TSHZ2: variants seen among roughly 807,000 people sequenced by gnomAD.
The protein encoded by TSHZ2 is teashirt zinc finger homeobox 2.
In TSHZ2, 21 loss-of-function variants were observed where a neutral mutation model predicts 74.4. That is an observed-to-expected ratio of 0.28 (90% CI 0.20 to 0.41). TSHZ2 has a LOEUF of 0.41. Among genes scored for constraint, TSHZ2 ranks in the 10% least tolerant of loss-of-function variants. The probability of loss-of-function intolerance (pLI) is 1.00; values close to 1 mark genes in which losing one functional copy is unlikely to be tolerated. For synonymous variants in TSHZ2, 540 were observed against 515.3 expected, an observed-to-expected ratio of 1.05 and a Z score of -0.65; for missense variants, 1,244 against 1,293.5, an observed-to-expected ratio of 0.96 and a Z score of 0.59.
Position 53,260,805 on chromosome 20 carries a change from G to A in TSHZ2, c.*8+4234G>A, listed in dbSNP as rs910979191. The stretch of plus-strand genomic sequence containing the variant: ...ATAAGAAAAGCAAGTTCTAGGTAGA[G>A]CCACTACATGCTCTTACCATGCTCT... On this transcript the variant is annotated intron_variant, in intron 2 of 2. Transcript: ENST00000371497. Among the ~76,000 whole-genome samples the A allele has an allele frequency of 2.0e-5, 3 of 152,186 alleles. No homozygotes were observed. The East Asian group carries it at 5.8e-4, about 29-fold the overall frequency.
At chr20:53,432,682 G>A (rs1983889315) in intron 2 of TSHZ2, among the ~76,000 whole-genome samples, 1 of 152,154 alleles carries the variant, frequency 6.6e-6, no homozygotes, top group African/African-American at 2.4e-5. Context: ...GGGGTAAGGT[G>A]ACAAAATGCT....
chr20:53,431,456 C>CA (rs58938803), intron 2 of TSHZ2, among the ~76,000 whole-genome samples: 102 of 134,560 alleles, frequency 7.6e-4, no homozygotes, highest in Middle Eastern at 3.8e-3. Flanking sequence ...AACTCTGTCT[C>CA]AAAAAAAAAA....
chr20:53,275,863 G>T (rs1459013405), intron 2 of TSHZ2, among the ~76,000 whole-genome samples: 1 of 152,172 alleles, frequency 6.6e-6, no homozygotes, highest in Non-Finnish European at 1.5e-5. Flanking sequence ...GAAGGTGGAG[G>T]TTGTGGTGAG....
At chr20:53,406,460 G>A (rs1600614262) in intron 2 of TSHZ2, among the ~76,000 whole-genome samples, 1 of 152,262 alleles carries the variant, frequency 6.6e-6, no homozygotes, top group East Asian at 1.9e-4. Flanking sequence ...GAGGCTGTTG[G>A]TGCCATCTGG....
intron 1 of TSHZ2, among the ~76,000 whole-genome samples, chr20:53,125,367 C>T (rs1375185216): frequency 6.6e-6 from 1 of 152,178 alleles, no homozygotes; most frequent in African/African-American, 2.4e-5. Flanking sequence ...CTCTCTGAGC[C>T]TCAGTTTCCT....
At chr20:53,369,637 G>A (rs893383898) in intron 2 of TSHZ2, among the ~76,000 whole-genome samples, 1 of 152,070 alleles carries the variant, frequency 6.6e-6, no homozygotes, top group Non-Finnish European at 1.5e-5. Flanking sequence ...CTTGAACCTG[G>A]GAGGCAGAGT....
At chr20:52,978,602 T>C (rs1473439090) in intron 1 of TSHZ2, among the ~76,000 whole-genome samples, 1 of 152,182 alleles carries the variant, frequency 6.6e-6, no homozygotes, top group Non-Finnish European at 1.5e-5. Flanking sequence ...CAGTTGGAAA[T>C]ACATTTAACT....
At position 52,973,288 on chromosome 20, in the gene TSHZ2, T is replaced by C; in HGVS notation, c.-6T>C. 6.4e-7 allele frequency: 1 copy of C among 1,552,784 alleles called. No homozygotes were observed. Among genetic ancestry groups the C allele is most frequent in the South Asian group, 1.2e-5 (1 of 84,148 alleles). ...CGCCAGAAGTGGGACTGGAGCGAAG[T>C]AGAGGATGCCGAGGAGAAAACAGCA... is the stretch of plus-strand genomic sequence containing the variant. On this transcript the variant is annotated 5_prime_UTR_variant, in exon 1 of 3. The change abolishes the stop of an existing upstream ORF in the 5' untranslated region. Transcript: ENST00000371497.
intron 2 of TSHZ2, among the ~76,000 whole-genome samples, chr20:53,290,851 A>G (rs1991264794): frequency 2.0e-5 from 3 of 152,230 alleles, no homozygotes; most frequent in African/African-American, 7.2e-5. Flanking sequence ...CCAGCCTACC[A>G]CCTGTTTCTG....
chr20:53,148,009 C>A (rs116482676), intron 1 of TSHZ2, among the ~76,000 whole-genome samples: 1 of 152,156 alleles, frequency 6.6e-6, no homozygotes, highest in Non-Finnish European at 1.5e-5. Context: ...CCACCATGCC[C>A]GGCCAGTGGG....
intron 1 of TSHZ2, among the ~76,000 whole-genome samples, chr20:53,092,133 C>T (rs1435395127): frequency 6.6e-6 from 1 of 151,998 alleles, no homozygotes; most frequent in Non-Finnish European, 1.5e-5. Flanking sequence ...TGACAGCAAG[C>T]ATCACACTCA....
chr20:53,117,259 G>A (rs1986695307), intron 1 of TSHZ2, among the ~76,000 whole-genome samples: 1 of 152,128 alleles, frequency 6.6e-6, no homozygotes, highest in Non-Finnish European at 1.5e-5. Context: ...GAGGTTCCTG[G>A]CCAATATCAT....
intron 1 of TSHZ2, among the ~76,000 whole-genome samples, chr20:53,069,221 C>G (rs1243783794): frequency 6.6e-6 from 1 of 152,120 alleles, no homozygotes; most frequent in Non-Finnish European, 1.5e-5. Context: ...AATGTGTTAT[C>G]TCATAGTTCA....
intron 1 of TSHZ2, among the ~76,000 whole-genome samples, chr20:53,232,455 A>T (rs1989848248): frequency 6.6e-6 from 1 of 152,212 alleles, no homozygotes; most frequent in South Asian, 2.1e-4. Flanking sequence ...TGCAACATGG[A>T]TCACATTTCT....
At chr20:53,423,486 A>G (rs928020874) in intron 2 of TSHZ2, among the ~76,000 whole-genome samples, 9 of 152,112 alleles carry the variant, frequency 5.9e-5, no homozygotes, top group Non-Finnish European at 1.3e-4. Flanking sequence ...TGGATCACAT[A>G]TTTTTTCTGA....
rs549653762 is a variant in TSHZ2, at chr20:53,279,390, G to A, written c.*8+22819G>A. On this transcript the variant is annotated intron_variant, in intron 2 of 2. Coordinates refer to ENST00000371497, the MANE Select transcript of TSHZ2 (RefSeq NM_173485.6). ...TTTGAATTTCTTGTCATTTTTGTGT[G>A]TCATAAAACATCATTCTTCTTCTGA... Among the ~76,000 whole-genome samples the A allele has an allele frequency of 5.9e-5, 9 of 152,302 alleles. No individual in the cohort carries two copies. In the South Asian group the frequency reaches 1.9e-3, roughly 32 times the overall value.
At chr20:53,195,264 TAAATA>T (rs1988833692) in intron 1 of TSHZ2, among the ~76,000 whole-genome samples, 1 of 151,938 alleles carries the variant, frequency 6.6e-6, no homozygotes, top group African/African-American at 2.4e-5. Context: ...AATGAAAAAA[TAAATA>T]AATATATATA....
chr20:53,012,508 G>T (rs1351431716), intron 1 of TSHZ2, among the ~76,000 whole-genome samples: 1 of 152,098 alleles, frequency 6.6e-6, no homozygotes, highest in South Asian at 2.1e-4. Flanking sequence ...TTAAAGCTTG[G>T]GAAGTTTAGG....
chr20:53,336,514 A>T (rs1218984072), intron 2 of TSHZ2, among the ~76,000 whole-genome samples: 2 of 152,222 alleles, frequency 1.3e-5, no homozygotes, highest in Non-Finnish European at 2.9e-5. Flanking sequence ...TGGAAGATGC[A>T]TTCTGATTTT....
Sources: gnomAD v4.1 joint callset for allele counts (sites outside exome capture counted in the v4.1 genomes callset) on GRCh38, gnomAD v4.1.1 for gene constraint, MANE v1.5 for transcripts, NCBI Gene and HGNC (gene_info 2026-07-23, HGNC 2026-07-21) for gene names.